The following STAT5B variants were observed in gnomAD, a reference collection of about 807,000 sequenced individuals.
The protein encoded by STAT5B is transcription factor STAT5B.
Under a neutral mutation model 107.8 loss-of-function variants are expected in STAT5B, and 21 were observed. The observed-to-expected ratio is 0.19, with a 90% confidence interval of 0.14 to 0.28. The LOEUF is 0.28. Among genes scored for constraint, STAT5B ranks in the 10% least tolerant of loss-of-function variants. The pLI, the probability that STAT5B is intolerant of heterozygous loss-of-function variation, is 1.00. For missense variants in STAT5B, 565 were observed against 1,008.2 expected, an observed-to-expected ratio of 0.56 and a Z score of 5.95; for synonymous variants, 325 against 401.7, an observed-to-expected ratio of 0.81 and a Z score of 2.28.
At chr17:42,218,113 G>C in intron 9 of STAT5B, 38 bp downstream of exon 9, 1 of 1,604,998 alleles carries the variant, frequency 6.2e-7, no homozygotes, top group Non-Finnish European at 8.5e-7. Flanking sequence ...CAGGACATGA[G>C]ACAAGTAGCA....
upstream of STAT5B, among the ~76,000 whole-genome samples, chr17:42,277,867 T>C (rs1381837143): frequency 4.0e-5 from 6 of 151,816 alleles, no homozygotes; most frequent in African/African-American, 1.5e-4. Flanking sequence ...GTGATTCTCC[T>C]TCCTCAGCCT....
intron 1 of STAT5B, among the ~76,000 whole-genome samples, chr17:42,239,663 ATGAGGAAAT>A (rs1259089180): frequency 6.6e-6 from 1 of 152,174 alleles, no homozygotes; most frequent in Non-Finnish European, 1.5e-5. Flanking sequence ...CCCGTTATGG[ATGAGGAAAT>A]TGAGGGTCAT....
At chr17:42,262,994 A>G (rs1183874336) in intron 1 of STAT5B, among the ~76,000 whole-genome samples, 3 of 65,184 alleles carry the variant, frequency 4.6e-5, no homozygotes, top group Non-Finnish European at 8.1e-5. Context: ...ATATATATAT[A>G]TATATATATA....
chr17:42,245,584 G>A lies in STAT5B; in HGVS notation c.-10-13447C>T, dbSNP rs146822239. ...ATTGCCCAGGCTGGAGTGTAATGGCGCGATCTTGGCTCACTGCAACCTCCG... is the reference window on the plus strand; with the variant it reads ...ATTGCCCAGGCTGGAGTGTAATGGCACGATCTTGGCTCACTGCAACCTCCG... On this transcript the variant is annotated intron_variant, in intron 1 of 18. Coordinates refer to ENST00000293328, the MANE Select transcript of STAT5B (RefSeq NM_012448.4). Among the ~76,000 whole-genome samples, 384 of 151,228 alleles carry A rather than the reference G, an allele frequency of 2.5e-3. 3 individuals are homozygous for A. Among genetic ancestry groups the A allele is most frequent in the African/African-American group, 8.8e-3 (363 of 41,158 alleles).
At chr17:42,211,230 G>A (rs547538947) in intron 13 of STAT5B, among the ~76,000 whole-genome samples, 4 of 151,648 alleles carry the variant, frequency 2.6e-5, no homozygotes, top group Non-Finnish European at 4.4e-5. Context: ...AAATAGGGTG[G>A]GCACAGTGGA....
At chr17:42,252,907 T>G (rs961677996) in intron 1 of STAT5B, among the ~76,000 whole-genome samples, 22 of 152,216 alleles carry the variant, frequency 1.4e-4, no homozygotes, top group Non-Finnish European at 1.5e-5. Flanking sequence ...TTTAATTATA[T>G]CTCAAGAAAG....
chr17:42,250,072 G>C (rs2080485397), intron 1 of STAT5B, among the ~76,000 whole-genome samples: 1 of 152,184 alleles, frequency 6.6e-6, no homozygotes, highest in South Asian at 2.1e-4. Flanking sequence ...GGAGAAGGAA[G>C]GGAAAATGAT....
chr17:42,246,322 T>C (rs1441636189), intron 1 of STAT5B, among the ~76,000 whole-genome samples: 2 of 152,038 alleles, frequency 1.3e-5, no homozygotes, highest in African/African-American at 4.8e-5. Context: ...AATTATAAAG[T>C]AAAAATTCAG....
chr17:42,206,009 A>C (rs1036713326), intron 16 of STAT5B, among the ~76,000 whole-genome samples: 8 of 152,058 alleles, frequency 5.3e-5, no homozygotes, highest in Non-Finnish European at 8.8e-5. Flanking sequence ...CCACTTCTCT[A>C]TCCCTCTACC....
intron 18 of STAT5B, 52 bp from the exon 19 acceptor site, chr17:42,201,916 C>G: frequency 1.3e-6 from 2 of 1,583,000 alleles, no homozygotes; most frequent in South Asian, 1.1e-5. Context: ...TGCCAGAGAC[C>G]ACCCCAAGCC....
At chr17:42,248,600 A>G (rs980108315) in intron 1 of STAT5B, among the ~76,000 whole-genome samples, 3 of 152,226 alleles carry the variant, frequency 2.0e-5, no homozygotes, top group Admixed American at 6.5e-5. Context: ...ACAACTTAGC[A>G]TGGTGTAGGA....
chr17:42,241,022 C>T (rs1250995585), intron 1 of STAT5B, among the ~76,000 whole-genome samples: 2 of 152,120 alleles, frequency 1.3e-5, no homozygotes, highest in South Asian at 2.1e-4. Flanking sequence ...CAGTGAATGA[C>T]TAAGGATTCT....
chr17:42,201,501 G>C lies in STAT5B; in HGVS notation c.*237C>G. ...CTAAACTCTCAGACAGTGAGAGGGAGAAACACCATAACGTGCAAACACGCA... is the reference window on the plus strand; with the variant it reads ...CTAAACTCTCAGACAGTGAGAGGGACAAACACCATAACGTGCAAACACGCA... On this transcript the variant is annotated 3_prime_UTR_variant, in exon 19 of 19. Coordinates refer to ENST00000293328, the MANE Select transcript of STAT5B (RefSeq NM_012448.4). 1 of 629,130 alleles carries C rather than the reference G, an allele frequency of 1.6e-6. No individual in the cohort carries two copies. The highest frequency in any genetic ancestry group is 2.3e-5 in the Admixed American group (1 of 43,150). 39.0% of individuals were successfully genotyped at this position (629,130 alleles called of 1,614,324 possible).
chr17:42,210,031 A>AG lies in STAT5B; in HGVS notation c.1906+139dup, dbSNP rs1241540147. 2.8e-5 allele frequency: 36 copies of AG among 1,298,406 alleles called. No individual in the cohort carries two copies. In the Admixed American group the frequency reaches 6.9e-4, roughly 25 times the overall value. 80.4% of individuals were successfully genotyped at this position (1,298,406 alleles called of 1,614,324 possible). Reference sequence around the variant, plus strand: ...ATTTTTCATAGGCTGCCTTATTATGAGTATGTCATGGCTATACATTTATGT... The same window carrying AG: ...ATTTTTCATAGGCTGCCTTATTATGAGGTATGTCATGGCTATACATTTATGT... On this transcript the variant is annotated intron_variant, in intron 15 of 18. Coordinates refer to ENST00000293328, the MANE Select transcript of STAT5B (RefSeq NM_012448.4).
In STAT5B at chr17:42,201,520, A is replaced by ACACG. The variant is rs1310707072; in HGVS notation, c.*214_*217dup. 7 of 628,694 alleles carry ACACG rather than the reference A, an allele frequency of 1.1e-5. No individual in the cohort carries two copies. The highest frequency in any genetic ancestry group is 8.9e-5 in the Admixed American group (4 of 44,834). The allele number at this position is 628,694 out of a possible 1,614,324, so 38.9% of individuals were successfully genotyped here. On this transcript the variant is annotated 3_prime_UTR_variant, in exon 19 of 19. Transcript: ENST00000293328. ...GAGGGAGAAACACCATAACGTGCAA[A>ACACG]CACGCACACACACACACACACACAC...
upstream of STAT5B, among the ~76,000 whole-genome samples, chr17:42,281,059 G>A (rs1300890819): frequency 3.3e-5 from 5 of 151,946 alleles, no homozygotes; most frequent in Non-Finnish European, 7.4e-5. Flanking sequence ...GCGTGAACCC[G>A]GGAGGCTGAG....
chr17:42,210,077 C>G, intron 15 of STAT5B, 94 bp downstream of exon 15: 1 of 1,575,592 alleles, frequency 6.3e-7, no homozygotes, highest in East Asian at 2.2e-5. Flanking sequence ...TAGTACTGAC[C>G]TCAACAAATA....
intron 11 of STAT5B, 90 bp downstream of exon 11, chr17:42,217,070 G>A: frequency 6.5e-7 from 1 of 1,542,990 alleles, no homozygotes; most frequent in Non-Finnish European, 8.8e-7. Flanking sequence ...AGAAGAAGAT[G>A]CTATGTGATA....
chr17:42,210,076 C>A, intron 15 of STAT5B, 95 bp downstream of exon 15: 1 of 1,572,358 alleles, frequency 6.4e-7, no homozygotes. Flanking sequence ...TTAGTACTGA[C>A]CTCAACAAAT....
Sources: allele counts gnomAD v4.1 joint callset (sites outside exome capture counted in the v4.1 genomes callset), GRCh38; gene constraint gnomAD v4.1.1; transcripts MANE v1.5; gene names NCBI Gene and HGNC (gene_info 2026-07-23, HGNC 2026-07-21).